Variants in ARHGAP31 observed in about 807,000 individuals in gnomAD.
ARHGAP31 encodes Rho GTPase activating protein 31.
In ARHGAP31, 34 loss-of-function variants were observed where a neutral mutation model predicts 113.9. The ratio of observed to expected loss-of-function variants is 0.30; its 90% CI spans 0.23 to 0.40. The LOEUF is 0.40. Among genes scored for constraint, ARHGAP31 ranks in the 10% least tolerant of loss-of-function variants. The pLI is 1.00. For synonymous variants in ARHGAP31, 650 were observed against 684.8 expected (o/e 0.95, Z 0.79); for missense variants, 1,548 against 1,767.1 (o/e 0.88, Z 2.22).
chr3:119,319,580 T>G (rs1379710033), intron 1 of ARHGAP31, among the ~76,000 whole-genome samples: 1 of 152,136 alleles, frequency 6.6e-6, no homozygotes, highest in South Asian at 2.1e-4. Flanking sequence ...ACCCAAACAT[T>G]TGCGCTTATT....
chr3:119,343,009 G>A (rs1383462951), intron 1 of ARHGAP31, among the ~76,000 whole-genome samples: 1 of 151,752 alleles, frequency 6.6e-6, no homozygotes, highest in Non-Finnish European at 1.5e-5. Context: ...TAGCATCCAT[G>A]AACTATTTGA....
chr3:119,386,003 C>T (rs1414206960), intron 6 of ARHGAP31, among the ~76,000 whole-genome samples: 1 of 152,232 alleles, frequency 6.6e-6, no homozygotes, highest in Non-Finnish European at 1.5e-5. Context: ...TGGCTATTGC[C>T]TTAACCATCT....
chr3:119,376,787 G>A (rs1191046360), intron 3 of ARHGAP31, among the ~76,000 whole-genome samples: 1 of 151,832 alleles, frequency 6.6e-6, no homozygotes, highest in Non-Finnish European at 1.5e-5. Context: ...GTGTCACTTA[G>A]GGCAGACAAC....
rs201216830 is a variant in ARHGAP31, at chr3:119,380,944, G to A, written c.389G>A (p.Arg130Gln). ...TGCCCTGAAGAAGGCCAACTGGCCC[G>A]AATCCAAAATGTTATCCAGGAGCTT... Reference protein sequence around the residue: ...SHCPEEGQLARIQNVIQELPP... With the variant: ...SHCPEEGQLAQIQNVIQELPP... The change falls in exon 4 of 12, where the codon CGA becomes CAA. Residue 130 changes from arginine (R) to glutamine (Q), a missense_variant. By Grantham distance (43) the Arg-to-Gln change is conservative (BLOSUM62 1). Transcript: ENST00000264245. 1.7e-5 allele frequency: 28 copies of A among 1,614,126 alleles called. No homozygotes were observed. Among genetic ancestry groups the A allele is most frequent in the South Asian group, 2.2e-5 (2 of 91,066 alleles).
chr3:119,298,754 G>A, intron 1 of ARHGAP31: 1 of 164,146 alleles, frequency 6.1e-6, no homozygotes, highest in Non-Finnish European at 1.4e-5. Context: ...CCCAATGCCT[G>A]CCCAAGGACA....
chr3:119,359,330 G>T (rs1207651026), intron 1 of ARHGAP31, among the ~76,000 whole-genome samples: 2 of 151,758 alleles, frequency 1.3e-5, no homozygotes, highest in Non-Finnish European at 2.9e-5. Context: ...CTATATCTCA[G>T]GTTTAAAAAG....
chr3:119,384,369 A>G (rs992843984), intron 6 of ARHGAP31, among the ~76,000 whole-genome samples: 3 of 152,226 alleles, frequency 2.0e-5, no homozygotes, highest in East Asian at 1.9e-4. Context: ...CTAATGCCAT[A>G]CTATTTTCAT....
intron 1 of ARHGAP31, among the ~76,000 whole-genome samples, chr3:119,302,261 C>G (rs1184711017): frequency 1.3e-5 from 2 of 152,234 alleles, no homozygotes; most frequent in African/African-American, 2.4e-5. Context: ...AGATAGCACT[C>G]TCTGTCTCTC....
At chr3:119,401,764 G>T in intron 9 of ARHGAP31, 58 bp from the exon 10 acceptor site, 1 of 1,535,932 alleles carries the variant, frequency 6.5e-7, no homozygotes, top group South Asian at 1.1e-5. Flanking sequence ...CTTACTGGAA[G>T]GCCTGCTATT....
chr3:119,382,697 C>G (rs2080412459), intron 5 of ARHGAP31, among the ~76,000 whole-genome samples: 1 of 152,188 alleles, frequency 6.6e-6, no homozygotes, highest in South Asian at 2.1e-4. Context: ...TGGGGGCTCA[C>G]TGCCTTGTTT....
intron 1 of ARHGAP31, among the ~76,000 whole-genome samples, chr3:119,307,372 AAATC>A (rs1211513372): frequency 1.3e-5 from 2 of 152,188 alleles, no homozygotes; most frequent in Non-Finnish European, 2.9e-5. Context: ...TGAGGATTGG[AAATC>A]TTACCGTGTT....
rs1464255990 is a variant in ARHGAP31 at position 119,419,005 on chromosome 3, C to G, written c.*2741C>G. Reference sequence around the variant, plus strand: ...AGAAAGAAAACTCATATTCCTCCCCCCCACAAATTGTTCCCCCAAATGCTC... The same window carrying G: ...AGAAAGAAAACTCATATTCCTCCCCGCCACAAATTGTTCCCCCAAATGCTC... On this transcript the variant is annotated 3_prime_UTR_variant, in exon 12 of 12. Coordinates refer to ENST00000264245, the MANE Select transcript of ARHGAP31 (RefSeq NM_020754.4). The G allele has an allele frequency of 2.6e-5, 4 of 152,344 alleles. No homozygotes were observed. Among genetic ancestry groups the G allele is most frequent in the African/African-American group, 9.7e-5 (4 of 41,380 alleles). The allele number at this position is 152,344 out of a possible 1,614,324, so 9.4% of individuals were successfully genotyped here.
rs754968310 is a variant in ARHGAP31 at position 119,402,125 on chromosome 3, A to G, written c.1373A>G (p.Asn458Ser). The G allele has an allele frequency of 6.2e-7, 1 of 1,614,248 alleles. No homozygotes were observed. The highest frequency in any genetic ancestry group is 8.5e-7 in the Non-Finnish European group (1 of 1,180,044). The part of the protein sequence containing the change: ...PKMLGMFYTS[N>S]DSPSKSVFTS... ...ATGTTGGGTATGTTCTACACTTCGA[A>G]CGACAGCCCTAGCAAATCCGTCTTC... Residue 458 changes from asparagine (N) to serine (S), a missense_variant, in exon 10 of 12, where the codon AAC (asparagine) becomes AGC (serine). Asn to Ser is a conservative substitution (Grantham distance 46). Transcript: ENST00000264245.
intron 6 of ARHGAP31, among the ~76,000 whole-genome samples, chr3:119,388,133 T>C (rs1045598183): frequency 6.6e-6 from 1 of 152,102 alleles, no homozygotes; most frequent in Non-Finnish European, 1.5e-5. Flanking sequence ...CCCACTCTGG[T>C]GGGTACCAAA....
intron 1 of ARHGAP31, among the ~76,000 whole-genome samples, chr3:119,364,122 C>T (rs529282927): frequency 1.0e-3 from 158 of 151,892 alleles, no homozygotes; most frequent in African/African-American, 3.6e-3. Context: ...CCAGACCCTT[C>T]TACCAGGGCA....
At position 119,333,228 on chromosome 3, in the gene ARHGAP31, G is replaced by A. The variant is rs1439463010; in HGVS notation, c.101-32088G>A. Among the ~76,000 whole-genome samples, 126 of 152,270 alleles carry A rather than the reference G, an allele frequency of 8.3e-4. 1 individual carries two copies. Among genetic ancestry groups the A allele is most frequent in the Non-Finnish European group, 1.3e-4 (9 of 68,012 alleles). ...AGAAATATTGCTCTTTCTTCAAAAA[G>A]GGACTCTGAATTTTCATTAATATTA... On this transcript the variant is annotated intron_variant, in intron 1 of 11. Coordinates refer to ENST00000264245, the MANE Select transcript of ARHGAP31 (RefSeq NM_020754.4).
At chr3:119,308,328 C>T (rs73854471) in intron 1 of ARHGAP31, among the ~76,000 whole-genome samples, 2,342 of 152,252 alleles carry the variant, frequency 0.015, 59 homozygotes, top group African/African-American at 0.052. Context: ...AATCTATTAT[C>T]CTACAGTTTT....
At chr3:119,320,245 C>A (rs2079770954) in intron 1 of ARHGAP31, among the ~76,000 whole-genome samples, 1 of 152,208 alleles carries the variant, frequency 6.6e-6, no homozygotes, top group Non-Finnish European at 1.5e-5. Flanking sequence ...TTATCAGTGT[C>A]TATTCTCTGC....
Position 119,415,212 on chromosome 3 carries a change from T to C in ARHGAP31, c.3283T>C (p.Cys1095Arg). ...AAAGTTACAGCTAAAGAGCACAGAG[T>C]GTGGGCCCCCAAAAGGGAAAAACAG... is the stretch of plus-strand genomic sequence containing the variant. Reference protein sequence around the residue: ...PAKLQLKSTECGPPKGKNRPS... With the variant: ...PAKLQLKSTERGPPKGKNRPS... Residue 1095 changes from cysteine to arginine, a missense_variant, in exon 12 of 12, where the codon TGT becomes CGT. By Grantham distance (180) the Cys-to-Arg change is radical. Transcript: ENST00000264245. 1 of 1,614,024 alleles carries C rather than the reference T, an allele frequency of 6.2e-7. No homozygotes were observed. The highest frequency in any genetic ancestry group is 1.3e-5 in the African/African-American group (1 of 74,984).
Sources: allele counts gnomAD v4.1 joint callset (sites outside exome capture counted in the v4.1 genomes callset), GRCh38; gene constraint gnomAD v4.1.1; transcripts MANE v1.5; gene names NCBI Gene and HGNC (gene_info 2026-07-23, HGNC 2026-07-21).